Variants in PDS5A observed in about 807,000 individuals in gnomAD.
PDS5A encodes sister chromatid cohesion protein PDS5 homolog A.
Under a neutral mutation model 167.1 loss-of-function variants are expected in PDS5A, and 42 were observed. The observed-to-expected ratio is 0.25, with a 90% CI of 0.20 to 0.33. The LOEUF (loss-of-function observed/expected upper bound fraction) is 0.33. PDS5A is among the 10% of genes least tolerant of loss of function. The pLI, the probability that PDS5A is intolerant of heterozygous loss-of-function variation, is 1.00. For missense variants in PDS5A, 1,033 were observed against 1,605.9 expected (o/e 0.64, Z 6.10); for synonymous variants, 553 against 554.6 (o/e 1.00, Z 0.04).
chr4:39,891,887 T>C (rs920265314), intron 16 of PDS5A, among the ~76,000 whole-genome samples: 5 of 150,598 alleles, frequency 3.3e-5, no homozygotes, highest in Non-Finnish European at 7.4e-5. Context: ...GGCAGGTGGA[T>C]TGCCTGAGCT....
At chr4:39,917,482 T>G in intron 7 of PDS5A, among the ~76,000 whole-genome samples, 1 of 152,202 alleles carries the variant, frequency 6.6e-6, no homozygotes, top group East Asian at 1.9e-4. Flanking sequence ...TTGTTTTCAT[T>G]AAAACAATTT....
intron 5 of PDS5A, 23 bp from the exon 6 acceptor site, chr4:39,922,771 ATAAG>A (rs761308942): frequency 2.8e-6 from 4 of 1,420,502 alleles, no homozygotes; most frequent in East Asian, 2.5e-5. Context: ...AAAAAAAAGA[ATAAG>A]TAGTAGGAGG....
chr4:39,830,811 C>A (rs1222297505), intron 32 of PDS5A, among the ~76,000 whole-genome samples: 2 of 152,124 alleles, frequency 1.3e-5, no homozygotes, highest in African/African-American at 4.8e-5. Flanking sequence ...AACATCTGAT[C>A]TATCTCTCGG....
In PDS5A at chr4:39,872,986, C is replaced by A; in HGVS notation, c.2436G>T (p.Arg812Ser). ...CAATTTAATTAAATGAGAAACTTAC[C>A]CTGTCATTCATTAGCAGATCTTTCA... ...FIVKDLLMND[R>S]STGEKNGKLW... is the part of the protein sequence containing the mutation. Residue 812 changes from arginine (R) to serine (S), a missense_variant and splice_region_variant, in exon 21 of 33, where the codon AGG (arginine) becomes AGT (serine). Transcript: ENST00000303538. 6.8e-7 allele frequency: 1 copy of A among 1,471,712 alleles called. No homozygotes were observed. Among genetic ancestry groups the A allele is most frequent in the Non-Finnish European group, 9.2e-7 (1 of 1,088,322 alleles). The allele number at this position is 1,471,712 out of a possible 1,614,324, so 91.2% of individuals were successfully genotyped here.
chr4:39,966,843 C>A (rs1024591270), intron 2 of PDS5A, among the ~76,000 whole-genome samples: 1 of 151,102 alleles, frequency 6.6e-6, no homozygotes, highest in Non-Finnish European at 1.5e-5. Flanking sequence ...ACTAAAAATG[C>A]AAAAAATTAG....
chr4:39,834,446 A>AT (rs372957742), intron 32 of PDS5A, among the ~76,000 whole-genome samples: 3 of 152,316 alleles, frequency 2.0e-5, no homozygotes, highest in African/African-American at 7.2e-5. Context: ...GTTCTCGCTC[A>AT]TTCCTCTCAT....
At chr4:39,861,353 G>C (rs1352177160) in intron 26 of PDS5A, among the ~76,000 whole-genome samples, 1 of 152,112 alleles carries the variant, frequency 6.6e-6, no homozygotes, top group South Asian at 2.1e-4. Context: ...AGCTACTCGG[G>C]AGGCTGAGAT....
At chr4:39,830,080 C>G (rs1217193372) in intron 32 of PDS5A, among the ~76,000 whole-genome samples, 1 of 151,574 alleles carries the variant, frequency 6.6e-6, no homozygotes, top group Non-Finnish European at 1.5e-5. Flanking sequence ...TAGCACTAGC[C>G]AAGTGACCTG....
intron 2 of PDS5A, among the ~76,000 whole-genome samples, chr4:39,942,685 C>T (rs933728702): frequency 3.9e-5 from 6 of 152,152 alleles, no homozygotes; most frequent in African/African-American, 1.4e-4. Flanking sequence ...CGAGGCCTCC[C>T]AATGTGCTAG....
At chr4:39,840,687 C>T (rs1047788765) in intron 31 of PDS5A, among the ~76,000 whole-genome samples, 108 of 152,088 alleles carry the variant, frequency 7.1e-4, no homozygotes, top group African/African-American at 2.2e-3. Context: ...TGAGCCACTG[C>T]GCCGGGTCGC....
Position 39,863,813 on chromosome 4 carries a change from G to T in PDS5A, c.2643-354C>A, listed in dbSNP as rs1485749529. Among the ~76,000 whole-genome samples, 4 of 152,164 alleles carry T rather than the reference G, an allele frequency of 2.6e-5. No individual in the cohort carries two copies. In the South Asian group the frequency reaches 6.2e-4, roughly 24 times the overall value. ...AGGAGCTGTATCCCTCATTTTAAGAGAAATACATATTGATTGTAGAAAACT... is the reference window on the plus strand; with the variant it reads ...AGGAGCTGTATCCCTCATTTTAAGATAAATACATATTGATTGTAGAAAACT... On this transcript the variant is annotated intron_variant, in intron 23 of 32. Transcript: ENST00000303538.
intron 17 of PDS5A, among the ~76,000 whole-genome samples, chr4:39,882,950 T>A (rs1429250625): frequency 6.6e-6 from 1 of 152,180 alleles, no homozygotes; most frequent in African/African-American, 2.4e-5. Context: ...AATACTCCCA[T>A]TGGCAACTTC....
intron 32 of PDS5A, among the ~76,000 whole-genome samples, chr4:39,833,521 C>T (rs1192554440): frequency 2.0e-5 from 3 of 151,996 alleles, no homozygotes; most frequent in Non-Finnish European, 4.4e-5. Flanking sequence ...CTGAAGTAGC[C>T]AAGACTATGG....
At chr4:39,845,505 T>C (rs1284847820) in intron 29 of PDS5A, among the ~76,000 whole-genome samples, 1 of 152,206 alleles carries the variant, frequency 6.6e-6, no homozygotes, top group Admixed American at 6.5e-5. Flanking sequence ...TCTAATTCAT[T>C]AGTAGTATAA....
At chr4:39,885,686 G>A (rs997217602) in intron 17 of PDS5A, among the ~76,000 whole-genome samples, 9 of 152,184 alleles carry the variant, frequency 5.9e-5, no homozygotes, top group African/African-American at 2.2e-4. Context: ...AGGCCGAAGT[G>A]GGTGGATCGC....
chr4:39,886,985 T>C (rs186217345), intron 17 of PDS5A, among the ~76,000 whole-genome samples: 212 of 152,260 alleles, frequency 1.4e-3, no homozygotes, highest in African/African-American at 4.9e-3. Flanking sequence ...CCTGCAACTA[T>C]ACTGAATTCA....
chr4:39,850,084 A>G (rs1042703133), intron 26 of PDS5A, among the ~76,000 whole-genome samples: 6 of 152,014 alleles, frequency 3.9e-5, no homozygotes, highest in African/African-American at 1.4e-4. Context: ...CATCCTGGCT[A>G]ACATGGTGAA....
Position 39,879,780 on chromosome 4 carries a change from T to A in PDS5A, c.1940A>T (p.Glu647Val). The change falls in exon 18 of 33, where the codon GAG (glutamate) becomes GTG (valine). Residue 647 changes from glutamate (E) to valine (V), a missense_variant. Glu to Val is a moderately radical substitution (Grantham distance 121, BLOSUM62 -2). Transcript: ENST00000303538. ...AGCTGTATCTGGACTTACACCCTCC[T>A]CTTCATCATCTGCTGTCCCCTCTAT... The part of the protein sequence containing the change: ...KSIEGTADDE[E>V]EGVSPDTAIR... The A allele has an allele frequency of 6.2e-7, 1 of 1,612,280 alleles. No individual in the cohort carries two copies. The highest frequency in any genetic ancestry group is 1.1e-5 in the South Asian group (1 of 91,044).
chr4:39,855,769 A>G (rs1159033642), intron 26 of PDS5A, among the ~76,000 whole-genome samples: 1 of 152,184 alleles, frequency 6.6e-6, no homozygotes, highest in Non-Finnish European at 1.5e-5. Context: ...ACCTGTAGAC[A>G]AGGCAATTGA....
Sources: allele counts gnomAD v4.1 joint callset (sites outside exome capture counted in the v4.1 genomes callset), GRCh38; gene constraint gnomAD v4.1.1; transcripts MANE v1.5; gene names NCBI Gene and HGNC (gene_info 2026-07-23, HGNC 2026-07-21).